TANC1: variants seen among roughly 807,000 people sequenced by gnomAD.
TANC1 encodes the protein protein TANC1.
In TANC1, 77 loss-of-function variants were observed where a neutral mutation model predicts 149.7. The ratio of observed to expected loss-of-function variants is 0.51; its 90% confidence interval spans 0.43 to 0.62. TANC1 has a LOEUF of 0.62. TANC1 is among the 20% of genes least tolerant of loss of function. The probability of loss-of-function intolerance (pLI) is 0.00; values close to 1 mark genes in which losing one functional copy is unlikely to be tolerated. For missense variants in TANC1, 1,985 were observed against 2,321.8 expected (o/e 0.85, Z 2.98); for synonymous variants, 854 against 925.0 (o/e 0.92, Z 1.39).
chr2:158,993,873 C>CATT, intron 1 of TANC1, among the ~76,000 whole-genome samples: 1 of 152,326 alleles, frequency 6.6e-6, no homozygotes, highest in East Asian at 1.9e-4. Flanking sequence ...TAACAAATAG[C>CATT]ATTTGAATGC....
At chr2:159,061,415 A>C (rs1219612615) in intron 2 of TANC1, among the ~76,000 whole-genome samples, 1 of 152,208 alleles carries the variant, frequency 6.6e-6, no homozygotes, top group Non-Finnish European at 1.5e-5. Context: ...ACAGTGAGTT[A>C]TAAGACTCTC....
chr2:159,042,596 C>A (rs564815494), intron 2 of TANC1, among the ~76,000 whole-genome samples: 4 of 151,988 alleles, frequency 2.6e-5, no homozygotes, highest in African/African-American at 9.7e-5. Context: ...TCAGGCAGAA[C>A]GAAGCCAGTG....
intron 11 of TANC1, among the ~76,000 whole-genome samples, chr2:159,173,104 G>A (rs796287538): frequency 9.9e-5 from 15 of 152,134 alleles, no homozygotes; most frequent in African/African-American, 3.4e-4. Context: ...GATGAGTGAT[G>A]TAGTGCAGAC....
At chr2:159,149,573 T>C (rs2052546854) in intron 6 of TANC1, 1 of 364,570 alleles carries the variant, frequency 2.7e-6, no homozygotes, top group African/African-American at 2.1e-5. Context: ...CTACCAGTAC[T>C]TTTACCTTTA....
In TANC1 at chr2:159,178,729, G is replaced by A; in HGVS notation, c.2076G>A (p.Val692=). 6.2e-7 allele frequency: 1 copy of A among 1,614,134 alleles called. No homozygotes were observed. Among genetic ancestry groups the A allele is most frequent in the South Asian group, 1.1e-5 (1 of 91,070 alleles). The part of the protein sequence containing the change: ...GKADATLIGK[V]SSHLVLRSLG... ...CCGATGCCACACTCATTGGAAAAGT[G>A]AGCAGCCACCTGGTGCTGCGGAGCC... The change falls in exon 14 of 27, where the codon GTG becomes GTA. Residue 692 remains valine, a synonymous_variant. Transcript: ENST00000263635.
intron 2 of TANC1, among the ~76,000 whole-genome samples, chr2:159,053,222 T>C (rs1488497395): frequency 6.6e-6 from 1 of 152,012 alleles, no homozygotes; most frequent in East Asian, 1.9e-4. Flanking sequence ...ATTCCCCTTT[T>C]GGGGCTGTTG....
At chr2:159,208,962 T>C (rs2058809421) in intron 19 of TANC1, among the ~76,000 whole-genome samples, 1 of 152,248 alleles carries the variant, frequency 6.6e-6, no homozygotes, top group Non-Finnish European at 1.5e-5. Flanking sequence ...TAAATACTTG[T>C]GTGTCTAAAC....
intron 4 of TANC1, among the ~76,000 whole-genome samples, 193 bp from the exon 5 acceptor site, chr2:159,135,999 ATT>A (rs777145863): frequency 0.097 from 11,250 of 116,044 alleles, 648 homozygotes; most frequent in Middle Eastern, 0.24. Context: ...CTGTACTGAA[ATT>A]TTGTGTGTGT....
intron 3 of TANC1, among the ~76,000 whole-genome samples, chr2:159,071,696 T>C (rs1007374166): frequency 2.6e-5 from 4 of 152,224 alleles, no homozygotes; most frequent in African/African-American, 9.6e-5. Flanking sequence ...ATGCTTTGTT[T>C]TATGTAGAAA....
intron 5 of TANC1, among the ~76,000 whole-genome samples, chr2:159,142,584 G>A (rs544694116): frequency 2.6e-5 from 4 of 152,262 alleles, no homozygotes; most frequent in Admixed American, 1.3e-4. Context: ...CTGCATGCTC[G>A]GAAGTCTGAT....
intron 14 of TANC1, among the ~76,000 whole-genome samples, 160 bp downstream of exon 14, chr2:159,179,323 G>A (rs1479964083): frequency 6.6e-5 from 10 of 152,002 alleles, no homozygotes; most frequent in Admixed American, 6.5e-4. Flanking sequence ...TTTGGCAGAA[G>A]GATGGGCAAT....
At chr2:159,143,551 CAAAAAAAAAAAAAAAA>C (rs56992262) in intron 5 of TANC1, among the ~76,000 whole-genome samples, 1 of 67,300 alleles carries the variant, frequency 1.5e-5, no homozygotes, top group African/African-American at 6.5e-5. Flanking sequence ...GACCCCATCT[CAAAAAAAAAAAAAAAA>C]AAAAAAAAAA....
chr2:159,136,533 C>T (rs1476731348), intron 5 of TANC1, among the ~76,000 whole-genome samples: 1 of 152,160 alleles, frequency 6.6e-6, no homozygotes, highest in Non-Finnish European at 1.5e-5. Flanking sequence ...AGGATTGAGT[C>T]CTATTTCCTC....
chr2:159,136,306 T>G lies in TANC1; in HGVS notation c.364+8T>G. The G allele has an allele frequency of 6.8e-7, 1 of 1,472,406 alleles. No homozygotes were observed. The highest frequency in any genetic ancestry group is 9.5e-7 in the Non-Finnish European group (1 of 1,050,610). The allele number at this position is 1,472,406 out of a possible 1,614,324, so 91.2% of individuals were successfully genotyped here. ...CAGAGCCTGATGAGCATGGTAAGAA[T>G]TTCAGTGATTTCCTTCCCCCTCTAC... On this transcript the variant is annotated splice_region_variant and intron_variant, in intron 5 of 26. Transcript: ENST00000263635.
intron 11 of TANC1, among the ~76,000 whole-genome samples, chr2:159,172,965 C>T (rs1397453084): frequency 6.6e-6 from 1 of 152,084 alleles, no homozygotes; most frequent in Non-Finnish European, 1.5e-5. Flanking sequence ...GGAGCTGAAC[C>T]GAATCTTGCC....
intron 2 of TANC1, among the ~76,000 whole-genome samples, chr2:159,010,461 T>G (rs2037639383): frequency 6.6e-6 from 1 of 152,216 alleles, no homozygotes; most frequent in African/African-American, 2.4e-5. Context: ...TGATTCTAGA[T>G]GCATTACTCA....
At chr2:159,046,899 C>T (rs933303094) in intron 2 of TANC1, among the ~76,000 whole-genome samples, 3 of 151,948 alleles carry the variant, frequency 2.0e-5, no homozygotes, top group African/African-American at 7.3e-5. Flanking sequence ...ACCATGGTGC[C>T]CCGCCCCTTT....
chr2:159,094,072 T>C (rs987362522), intron 3 of TANC1, among the ~76,000 whole-genome samples: 6 of 152,232 alleles, frequency 3.9e-5, no homozygotes, highest in Non-Finnish European at 1.5e-5. Context: ...TCTCCCTTCT[T>C]TTGTGTCCTC....
chr2:158,998,612 T>C (rs563918259), intron 1 of TANC1, among the ~76,000 whole-genome samples: 4 of 152,248 alleles, frequency 2.6e-5, no homozygotes, highest in African/African-American at 9.6e-5. Context: ...CAGATGTGTG[T>C]GATTGGGTGA....
Sources: gnomAD v4.1 joint callset for allele counts (sites outside exome capture counted in the v4.1 genomes callset) on GRCh38, gnomAD v4.1.1 for gene constraint, MANE v1.5 for transcripts, NCBI Gene and HGNC (gene_info 2026-07-23, HGNC 2026-07-21) for gene names.